Variants in UBR4 observed in about 807,000 individuals in gnomAD.
UBR4 encodes ubiquitin protein ligase E3 component n-recognin 4.
UBR4 carries 124 observed loss-of-function variants against 575.6 expected under a neutral mutation model. The ratio of observed to expected loss-of-function variants is 0.22; its 90% CI spans 0.19 to 0.25. The LOEUF is 0.25. Among genes scored for constraint, UBR4 ranks in the 10% least tolerant of loss-of-function variants. The pLI is 1.00. For synonymous variants in UBR4, 2,455 were observed against 2,473.7 expected (o/e 0.99, Z 0.22); for missense variants, 4,818 against 6,478.8 (o/e 0.74, Z 8.80).
chr1:19,186,154 A>C (rs536956800), intron 14 of UBR4, among the ~76,000 whole-genome samples: 1 of 152,324 alleles, frequency 6.6e-6, no homozygotes, highest in Admixed American at 6.5e-5. Flanking sequence ...AAGCTTCCCT[A>C]AACTATGACT....
rs2087801211 is a variant in UBR4, at chr1:19,163,788, C to T, written c.4740G>A (p.Leu1580=). The T allele has an allele frequency of 1.9e-6, 3 of 1,614,034 alleles. No homozygotes were observed. Among genetic ancestry groups the T allele is most frequent in the African/African-American group, 2.7e-5 (2 of 74,910 alleles). ...CCTTTCCATGCATTACATTGGCATT[C>T]AGTTTTTCAACTACATTCTTCTGTG... ...YLSQKNVVEK[L]NANVMHGKHV... The change falls in exon 34 of 106, where the codon CTG becomes CTA. Residue 1580 remains leucine (L), a synonymous_variant. Transcript: ENST00000375254.
chr1:19,074,856 C>T lies in UBR4; in HGVS notation c.15528G>A (p.Lys5176=). 6.2e-7 allele frequency: 1 copy of T among 1,614,106 alleles called. No individual in the cohort carries two copies. Among genetic ancestry groups the T allele is most frequent in the Non-Finnish European group, 8.5e-7 (1 of 1,179,990 alleles). The change falls in exon 106 of 106, where the codon AAG becomes AAA. Residue 5176 remains lysine, a synonymous_variant. Transcript: ENST00000375254. Reference sequence around the variant, plus strand: ...GTCAGGGGACTGAGTTCAACAGGTCCTTCAGGAAGCTCTCTGGATCGGTGA... The same window carrying T: ...GTCAGGGGACTGAGTTCAACAGGTCTTTCAGGAAGCTCTCTGGATCGGTGA... The part of the protein sequence containing the change: ...SEITDPESFL[K]DLLNSVP
In UBR4 at chr1:19,075,086, G is replaced by T. The variant is rs2075789614; in HGVS notation, c.15488-190C>A. The T allele has an allele frequency of 3.5e-5, 22 of 627,550 alleles. 2 individuals carry two copies. The South Asian group carries it at 3.9e-4, about 11-fold the overall frequency. 38.9% of individuals were successfully genotyped at this position (627,550 alleles called of 1,614,324 possible). On this transcript the variant is annotated intron_variant, in intron 105 of 105. Coordinates refer to ENST00000375254, the MANE Select transcript of UBR4 (RefSeq NM_020765.3). ...AACCCTGTTCCGCAGGAGGAGTCCT[G>T]TTCCAGAAGCAGGCACTGCTGGAAG...
chr1:19,190,318 T>A lies in UBR4; in HGVS notation c.1394+1870A>T, dbSNP rs1379508189. The stretch of plus-strand genomic sequence containing the variant: ...AAAAAAAAAAAAAAAAAAAAATATA[T>A]ATATATATATATTTGTATGGATACC... On this transcript the variant is annotated intron_variant, in intron 11 of 105. Transcript: ENST00000375254. Among the ~76,000 whole-genome samples, 332 of 86,444 alleles carry A rather than the reference T, an allele frequency of 3.8e-3. 3 individuals carry two copies. The highest frequency in any genetic ancestry group is 0.011 in the African/African-American group (240 of 22,744). 56.7% of individuals were successfully genotyped at this position (86,444 alleles called of 152,430 possible).
chr1:19,160,608 T>G (rs372560849), intron 38 of UBR4, among the ~76,000 whole-genome samples: 1 of 152,118 alleles, frequency 6.6e-6, no homozygotes, highest in African/African-American at 2.4e-5. Flanking sequence ...CATGGGAAAA[T>G]TGAGAATATA....
chr1:19,150,230 G>A (rs2085479097), intron 49 of UBR4, among the ~76,000 whole-genome samples: 1 of 152,110 alleles, frequency 6.6e-6, no homozygotes, highest in South Asian at 2.1e-4. Context: ...TGGAAGGGAG[G>A]ATGTTTTCCT....
At chr1:19,081,941 C>A (rs2076558280) in intron 102 of UBR4, 1 of 597,678 alleles carries the variant, frequency 1.7e-6, no homozygotes, top group Non-Finnish European at 3.0e-6. Context: ...AGTGAAGTGA[C>A]TTGCCCAAAG....
chr1:19,098,984 AG>A (rs1201808462), intron 90 of UBR4, among the ~76,000 whole-genome samples: 2 of 152,202 alleles, frequency 1.3e-5, no homozygotes, highest in African/African-American at 4.8e-5. Context: ...GAGGAATGGA[AG>A]GAACAGAGAG....
chr1:19,151,435 T>G, intron 48 of UBR4: 1 of 637,776 alleles, frequency 1.6e-6, no homozygotes, highest in Non-Finnish European at 2.9e-6. Flanking sequence ...AGTGCAGCCC[T>G]ATCTTTACTG....
At position 19,154,052 on chromosome 1, in the gene UBR4, G is replaced by A. The variant is rs532135513; in HGVS notation, c.6459-113C>T. The A allele has an allele frequency of 9.3e-6, 11 of 1,184,640 alleles. No individual in the cohort carries two copies. In the South Asian group the frequency reaches 1.5e-4, roughly 16 times the overall value. 73.4% of individuals were successfully genotyped at this position (1,184,640 alleles called of 1,614,324 possible). On this transcript the variant is annotated intron_variant, in intron 44 of 105. Coordinates refer to ENST00000375254, the MANE Select transcript of UBR4 (RefSeq NM_020765.3). The stretch of plus-strand genomic sequence containing the variant: ...TACGTGACTCCAAAGCAATATCCTT[G>A]GCCAGGGACTCAGATTATCCACAGG...
intron 58 of UBR4, among the ~76,000 whole-genome samples, chr1:19,140,110 A>G (rs1001453259): frequency 1.3e-5 from 2 of 152,222 alleles, no homozygotes; most frequent in African/African-American, 4.8e-5. Flanking sequence ...AAGAAAAAAA[A>G]CAAACACAAG....
intron 61 of UBR4, 26 bp from the exon 62 acceptor site, chr1:19,128,344 A>G: frequency 3.1e-6 from 5 of 1,602,304 alleles, no homozygotes; most frequent in Admixed American, 1.7e-5. Flanking sequence ...AGAAAACACA[A>G]AACCCAATTT....
At chr1:19,144,717 C>T in intron 54 of UBR4, 69 bp downstream of exon 54, 1 of 1,555,596 alleles carries the variant, frequency 6.4e-7, no homozygotes, top group East Asian at 2.3e-5. Context: ...ATTAGCTTAG[C>T]AAGCTAAAAA....
chr1:19,173,018 T>A lies in UBR4; in HGVS notation c.3367A>T (p.Thr1123Ser). 2 of 1,614,114 alleles carry A rather than the reference T, an allele frequency of 1.2e-6. No homozygotes were observed. Among genetic ancestry groups the A allele is most frequent in the Non-Finnish European group, 1.7e-6 (2 of 1,180,020 alleles). The part of the protein sequence containing the change: ...HEIPSLQSIY[T>S]LDAAISKVQV... The stretch of plus-strand genomic sequence containing the variant: ...ACCTTTGAGATCGCGGCATCAAGGG[T>A]GTAGATGGACTGCAGACTGGGAATT... The change falls in exon 25 of 106, where the codon ACC (threonine) becomes TCC (serine). Residue 1123 changes from threonine to serine, a missense_variant. Transcript: ENST00000375254.
intron 25 of UBR4, 25 bp downstream of exon 25, chr1:19,172,839 T>A (rs1157066300): frequency 9.4e-6 from 15 of 1,602,942 alleles, no homozygotes; most frequent in African/African-American, 1.3e-5. Context: ...TGCATGTGCA[T>A]CTCTGGGCAG....
rs771139146 is a variant in UBR4, at chr1:19,139,949, C to T, written c.8594-729G>A. Among the ~76,000 whole-genome samples, 2 of 152,178 alleles carry T rather than the reference C, an allele frequency of 1.3e-5. No individual in the cohort carries two copies. The highest frequency in any genetic ancestry group is 1.9e-4 in the East Asian group (1 of 5,184). On this transcript the variant is annotated intron_variant, in intron 58 of 105. Transcript: ENST00000375254. This position sits in a 1 kb window ranked among gnomAD's most constrained non-coding sequence, Gnocchi z 4.2. Reference sequence around the variant, plus strand: ...AAGCCAAGACAGCCACAGAGCACAGCGGGAACACGACTGGCACAACACAAC... The same window carrying T: ...AAGCCAAGACAGCCACAGAGCACAGTGGGAACACGACTGGCACAACACAAC...
intron 87 of UBR4, among the ~76,000 whole-genome samples, chr1:19,102,885 T>G (rs1454313377): frequency 1.3e-5 from 2 of 152,154 alleles, no homozygotes; most frequent in Non-Finnish European, 2.9e-5. Flanking sequence ...TCCTTAAACT[T>G]TACCATCAAG....
At chr1:19,185,890 A>C (rs1398442740) in intron 14 of UBR4, among the ~76,000 whole-genome samples, 1 of 152,198 alleles carries the variant, frequency 6.6e-6, no homozygotes, top group Non-Finnish European at 1.5e-5. Context: ...TAAGGAGCCC[A>C]ACAAAGAAAG....
intron 83 of UBR4, 59 bp downstream of exon 83, chr1:19,106,510 T>C (rs2079215752): frequency 1.1e-5 from 17 of 1,495,610 alleles, no homozygotes; most frequent in South Asian, 2.8e-5. Flanking sequence ...CAGAAACATA[T>C]TGCTCAGAGT....
Sources: allele counts gnomAD v4.1 joint callset (sites outside exome capture counted in the v4.1 genomes callset), GRCh38; gene constraint gnomAD v4.1.1; non-coding constraint Gnocchi (gnomAD v3.1); transcripts MANE v1.5; gene names NCBI Gene and HGNC (gene_info 2026-07-23, HGNC 2026-07-21).